RIMKLB: variants seen among roughly 807,000 people sequenced by gnomAD.
RIMKLB encodes ribosomal modification protein rimK like family member B, also known as beta-citrylglutamate synthase B.
Under a neutral mutation model 32.0 loss-of-function variants are expected in RIMKLB, and 7 were observed. That is an observed-to-expected ratio of 0.22 (90% CI 0.12 to 0.41). The LOEUF (loss-of-function observed/expected upper bound fraction) is 0.41, where lower values mean the gene tolerates loss of function less well. Among genes scored for constraint, RIMKLB ranks in the 10% least tolerant of loss-of-function variants. The pLI is 1.00. For missense variants in RIMKLB, 289 were observed against 498.7 expected, an observed-to-expected ratio of 0.58 and a Z score of 4.00; for synonymous variants, 172 against 185.1, an observed-to-expected ratio of 0.93 and a Z score of 0.57.
intron 5 of RIMKLB, among the ~76,000 whole-genome samples, chr12:8,769,352 A>G (rs376225935): frequency 6.6e-6 from 1 of 152,104 alleles, no homozygotes; most frequent in Non-Finnish European, 1.5e-5. Flanking sequence ...GAAAAAATGT[A>G]TATATGGATA....
chr12:8,688,556 A>G (rs1224508784), intron 1 of RIMKLB, among the ~76,000 whole-genome samples: 2 of 152,246 alleles, frequency 1.3e-5, no homozygotes, highest in African/African-American at 4.8e-5. Context: ...CTGGTACTCC[A>G]GTGACATAGT....
chr12:8,710,869 C>T (rs1247793549), intron 1 of RIMKLB, among the ~76,000 whole-genome samples: 2 of 148,800 alleles, frequency 1.3e-5, no homozygotes, highest in South Asian at 2.1e-4. Context: ...GGCTCACAGC[C>T]ATAACCCCAG....
Position 8,686,603 on chromosome 12 carries a change from G to T in RIMKLB, n.219+4785G>T, listed in dbSNP as rs145616819. Among the ~76,000 whole-genome samples, 299 of 151,496 alleles carry T rather than the reference G, an allele frequency of 2.0e-3. 1 individual carries two copies. Among genetic ancestry groups the T allele is most frequent in the Non-Finnish European group, 3.3e-3 (223 of 67,834 alleles). On this transcript the variant is annotated intron_variant and non_coding_transcript_variant, in intron 1 of 1. Transcript: ENST00000538758. ...CATGCCATTCTCCTGCCTCAGCCTC[G>T]CAAGTAGCTGGGACTACAGGCGCCC... is the stretch of plus-strand genomic sequence containing the variant.
intron 2 of RIMKLB, among the ~76,000 whole-genome samples, chr12:8,718,843 T>C (rs1945155140): frequency 1.3e-5 from 2 of 152,176 alleles, no homozygotes; most frequent in South Asian, 4.1e-4. Context: ...GAAGGACATG[T>C]TTGTTGAACT....
chr12:8,721,811 T>C (rs951221620), intron 2 of RIMKLB, among the ~76,000 whole-genome samples: 4 of 152,166 alleles, frequency 2.6e-5, no homozygotes, highest in African/African-American at 9.7e-5. Context: ...TGGCACGATC[T>C]TGGCTCACTG....
At chr12:8,754,409 T>C (rs1948854342) in intron 5 of RIMKLB, among the ~76,000 whole-genome samples, 1 of 152,228 alleles carries the variant, frequency 6.6e-6, no homozygotes, top group African/African-American at 2.4e-5. Flanking sequence ...TTATTTTGTA[T>C]ATAATTGGAG....
upstream of RIMKLB, among the ~76,000 whole-genome samples, chr12:8,677,984 T>C (rs1032035549): frequency 1.3e-5 from 2 of 151,510 alleles, no homozygotes; most frequent in Non-Finnish European, 2.9e-5. Flanking sequence ...CATCTTGCCA[T>C]GTTTCCCAGG....
At chr12:8,733,264 T>C (rs1391582498) in intron 2 of RIMKLB, among the ~76,000 whole-genome samples, 8 of 151,500 alleles carry the variant, frequency 5.3e-5, no homozygotes, top group Non-Finnish European at 8.8e-5. Context: ...GAATTTATAT[T>C]ATACATATTT....
Position 8,723,672 on chromosome 12 carries a change from CTAGAT to C in RIMKLB, c.175+9635_175+9639del, listed in dbSNP as rs1200026056. 5.3e-5 allele frequency among the ~76,000 whole-genome samples: 8 copies of C among 152,064 alleles called. No homozygotes were observed. In the East Asian group the frequency reaches 7.7e-4, roughly 15 times the overall value. On this transcript the variant is annotated intron_variant, in intron 2 of 5. Transcript: ENST00000535829. ...CATGAATCTAGATGTTTATTTCTCTCTAGATTAGGGAACTTAAAAAAAAATAAACT... is the reference window on the plus strand; with the variant it reads ...CATGAATCTAGATGTTTATTTCTCTCTAGGGAACTTAAAAAAAAATAAACT...
At chr12:8,759,945 TTTTA>T (rs1240326435) in intron 5 of RIMKLB, among the ~76,000 whole-genome samples, 5 of 152,340 alleles carry the variant, frequency 3.3e-5, no homozygotes, top group Admixed American at 1.3e-4. Flanking sequence ...CATCTTTATT[TTTTA>T]TTTATTTTTA....
intron 3 of RIMKLB, among the ~76,000 whole-genome samples, chr12:8,751,292 G>A (rs964041036): frequency 1.2e-4 from 19 of 152,132 alleles, no homozygotes; most frequent in African/African-American, 3.6e-4. Context: ...CACATTTCTC[G>A]TATTTCACTT....
chr12:8,769,026 A>G (rs1257084230), intron 5 of RIMKLB, among the ~76,000 whole-genome samples: 1 of 152,206 alleles, frequency 6.6e-6, no homozygotes, highest in Non-Finnish European at 1.5e-5. Flanking sequence ...TCTTGTTTCA[A>G]AATGAAGGCA....
At chr12:8,694,750 G>A (rs1942836866), upstream of RIMKLB, among the ~76,000 whole-genome samples, 1 of 152,126 alleles carries the variant, frequency 6.6e-6, no homozygotes, top group Admixed American at 6.5e-5. Context: ...AAGTGTTTTG[G>A]TGCAGGCAAA....
intron 5 of RIMKLB, among the ~76,000 whole-genome samples, chr12:8,765,329 C>T (rs1949864802): frequency 6.6e-6 from 1 of 152,108 alleles, no homozygotes; most frequent in Admixed American, 6.5e-5. Flanking sequence ...TTCTGTGTCC[C>T]AGTGAGGGTC....
In RIMKLB at chr12:8,774,572, C is replaced by CT. The variant is rs56912350; in HGVS notation, c.*804dup. 39,656 of 873,782 alleles carry CT rather than the reference C, an allele frequency of 0.045. 128 individuals are homozygous for CT. The highest frequency in any genetic ancestry group is 0.088 in the African/African-American group (4,076 of 46,354). 54.1% of individuals were successfully genotyped at this position (873,782 alleles called of 1,614,324 possible). On this transcript the variant is annotated 3_prime_UTR_variant, in exon 6 of 6. Transcript: ENST00000535829. ...TGAAAGATGTGCTCTGTTAATGTTG[C>CT]TTTTTTTTTTTTTTTTAATACATGC...
At chr12:8,747,275 A>G (rs771381239) in intron 2 of RIMKLB, among the ~76,000 whole-genome samples, 34 of 152,320 alleles carry the variant, frequency 2.2e-4, no homozygotes, top group African/African-American at 7.9e-4. Context: ...CTGACCAACC[A>G]TATCTTTTAC....
chr12:8,713,602 T>C, intron 1 of RIMKLB: 1 of 409,962 alleles, frequency 2.4e-6, no homozygotes. Flanking sequence ...CAAGGAAAAA[T>C]GGAGAAATCA....
the RIMKLB span, among the ~76,000 whole-genome samples, chr12:8,670,021 C>T: frequency 2.4e-5 from 3 of 125,388 alleles, no homozygotes; most frequent in African/African-American, 3.5e-5. Context: ...AGCAAGACTC[C>T]GTCTCAAAAA....
At chr12:8,713,092 A>T (rs776073906) in intron 1 of RIMKLB, among the ~76,000 whole-genome samples, 1 of 152,328 alleles carries the variant, frequency 6.6e-6, no homozygotes, top group Admixed American at 6.5e-5. Context: ...ATTTATTTTT[A>T]AAAATTCTAT....
Sources: gnomAD v4.1 joint callset for allele counts (sites outside exome capture counted in the v4.1 genomes callset) on GRCh38, gnomAD v4.1.1 for gene constraint, MANE v1.5 for transcripts, NCBI Gene and HGNC (gene_info 2026-07-23, HGNC 2026-07-21) for gene names.